CCDC88C: variants seen among roughly 807,000 people sequenced by gnomAD.
The protein encoded by CCDC88C is protein Daple.
A neutral mutation model predicts 198.8 loss-of-function variants in CCDC88C; 131 were observed. The ratio of observed to expected loss-of-function variants is 0.66; its 90% confidence interval spans 0.57 to 0.76. CCDC88C has a LOEUF of 0.76. Ranked by LOEUF, CCDC88C falls within the 30% of genes least tolerant of loss-of-function variation. The pLI is 0.00. For missense variants in CCDC88C, 2,553 were observed against 2,631.6 expected, an observed-to-expected ratio of 0.97 and a Z score of 0.65; for synonymous variants, 1,166 against 1,114.7, an observed-to-expected ratio of 1.05 and a Z score of -0.92.
intron 3 of CCDC88C, among the ~76,000 whole-genome samples, chr14:91,391,398 C>A (rs915142251): frequency 9.9e-5 from 15 of 152,194 alleles, no homozygotes; most frequent in Non-Finnish European, 5.9e-5. Context: ...CCATCCCCAC[C>A]ATCCATTTCT....
chr14:91,340,615 C>A (rs1401767071), intron 6 of CCDC88C, among the ~76,000 whole-genome samples: 3 of 152,096 alleles, frequency 2.0e-5, no homozygotes, highest in Non-Finnish European at 4.4e-5. Context: ...TCTCGACGCA[C>A]ACCCCCGGAT....
chr14:91,336,341 A>G (rs1273132420), intron 10 of CCDC88C, among the ~76,000 whole-genome samples: 1 of 152,192 alleles, frequency 6.6e-6, no homozygotes, highest in African/African-American at 2.4e-5. Context: ...GTCAGGAACG[A>G]ACACGGAGAC....
chr14:91,362,749 G>A (rs761911067), intron 3 of CCDC88C, among the ~76,000 whole-genome samples: 1 of 152,088 alleles, frequency 6.6e-6, no homozygotes, highest in Non-Finnish European at 1.5e-5. Flanking sequence ...CTAACATGGT[G>A]AAACCCGATC....
intron 4 of CCDC88C, among the ~76,000 whole-genome samples, chr14:91,346,197 A>T (rs1201009771): frequency 6.6e-6 from 1 of 152,204 alleles, no homozygotes; most frequent in East Asian, 1.9e-4. Context: ...AGAAATAGCT[A>T]AAATTGGCTT....
At chr14:91,401,270 A>C (rs1323329404) in intron 3 of CCDC88C, among the ~76,000 whole-genome samples, 1 of 144,544 alleles carries the variant, frequency 6.9e-6, no homozygotes, top group Admixed American at 7.2e-5. Context: ...TATACATTAT[A>C]TATATTATAT....
intron 27 of CCDC88C, chr14:91,281,075 C>T: frequency 2.3e-6 from 1 of 439,542 alleles, no homozygotes; most frequent in South Asian, 1.6e-5. Flanking sequence ...TAACAATTTC[C>T]AAGACTAAAT....
At chr14:91,308,259 C>T in intron 17 of CCDC88C, 92 bp downstream of exon 17, 1 of 1,474,952 alleles carries the variant, frequency 6.8e-7, no homozygotes. Context: ...AAATGGGTAT[C>T]CAGGCCACCC....
In CCDC88C at chr14:91,352,767, C is replaced by G. The variant is rs967279256; in HGVS notation, c.340+6875G>C. ...GCTCATGAAGCCTGAGTGGCCGACC[C>G]TCAGCCTCCACACCACACGGTGAGC... On this transcript the variant is annotated intron_variant, in intron 4 of 29. Transcript: ENST00000389857. This position sits in a 1 kb window ranked among gnomAD's most constrained non-coding sequence, Gnocchi z 4.2. Among the ~76,000 whole-genome samples, 1 of 152,248 alleles carries G rather than the reference C, an allele frequency of 6.6e-6. No homozygotes were observed. Among genetic ancestry groups the G allele is most frequent in the African/African-American group, 2.4e-5 (1 of 41,466 alleles).
intron 3 of CCDC88C, among the ~76,000 whole-genome samples, chr14:91,361,596 G>A (rs944101885): frequency 2.2e-4 from 33 of 152,288 alleles, no homozygotes; most frequent in African/African-American, 7.7e-4. Flanking sequence ...ACTCAGTGCT[G>A]GAAATCACAT....
Position 91,322,485 on chromosome 14 carries a change from C to G in CCDC88C, c.1343-1181G>C, listed in dbSNP as rs1012706085. The stretch of plus-strand genomic sequence containing the variant: ...CACACACATAAACACACACACACTC[C>G]ACATACAAGGACGCTTGGAGGGCTC... On this transcript the variant is annotated intron_variant, in intron 12 of 29. Coordinates refer to ENST00000389857, the MANE Select transcript of CCDC88C (RefSeq NM_001080414.4). 2.6e-5 allele frequency among the ~76,000 whole-genome samples: 4 copies of G among 152,006 alleles called. No individual in the cohort carries two copies. The South Asian group carries it at 8.3e-4, about 32-fold the overall frequency.
chr14:91,353,640 T>TA (rs1567094252), intron 4 of CCDC88C, among the ~76,000 whole-genome samples: 1 of 152,212 alleles, frequency 6.6e-6, no homozygotes, highest in Admixed American at 6.5e-5. Flanking sequence ...GTGCAGTAGA[T>TA]AGAGTTCTGC....
At chr14:91,396,479 G>T (rs564392747) in intron 3 of CCDC88C, among the ~76,000 whole-genome samples, 1 of 152,062 alleles carries the variant, frequency 6.6e-6, no homozygotes, top group Non-Finnish European at 1.5e-5. Flanking sequence ...CGCATCACTC[G>T]ATTCCCACAA....
At position 91,308,581 on chromosome 14, in the gene CCDC88C, C is replaced by T. The variant is rs563434271; in HGVS notation, c.2865-89G>A. 996 of 1,350,244 alleles carry T rather than the reference C, an allele frequency of 7.4e-4. 2 individuals are homozygous for T. Among genetic ancestry groups the T allele is most frequent in the Non-Finnish European group, 9.3e-4 (898 of 961,488 alleles). 83.6% of individuals were successfully genotyped at this position (1,350,244 alleles called of 1,614,324 possible). ...CTCGCTGCCAACACATCACTCCTTC[C>T]ATTAGGCTGGGTTACGGAGCTGCTG... On this transcript the variant is annotated intron_variant, in intron 16 of 29. Coordinates refer to ENST00000389857, the MANE Select transcript of CCDC88C (RefSeq NM_001080414.4).
intron 3 of CCDC88C, among the ~76,000 whole-genome samples, 185 bp from the exon 4 acceptor site, chr14:91,359,896 C>T (rs1894228042): frequency 1.3e-5 from 2 of 152,142 alleles, no homozygotes; most frequent in African/African-American, 4.8e-5. Flanking sequence ...CAAAGCCTAA[C>T]TGTATTTCTG....
intron 6 of CCDC88C, among the ~76,000 whole-genome samples, chr14:91,341,520 A>G (rs1446396899): frequency 6.6e-6 from 1 of 152,192 alleles, no homozygotes; most frequent in Non-Finnish European, 1.5e-5. Flanking sequence ...ATATCAACCC[A>G]GGGAGTCCTG....
intron 1 of CCDC88C, chr14:91,417,163 C>A: frequency 1.4e-6 from 1 of 703,168 alleles, no homozygotes. Flanking sequence ...GCGCCCACCC[C>A]AGTCTGTTCG....
chr14:91,298,799 C>T (rs1348123652), intron 21 of CCDC88C, among the ~76,000 whole-genome samples: 2 of 152,148 alleles, frequency 1.3e-5, no homozygotes, highest in Non-Finnish European at 2.9e-5. Context: ...GAGTTTCTAA[C>T]CCCCCGTATA....
intron 25 of CCDC88C, among the ~76,000 whole-genome samples, chr14:91,285,124 T>C (rs1386576002): frequency 6.6e-6 from 1 of 152,182 alleles, no homozygotes; most frequent in Non-Finnish European, 1.5e-5. Context: ...AATGCCTGAA[T>C]GGAGCAATCA....
intron 3 of CCDC88C, among the ~76,000 whole-genome samples, chr14:91,370,109 A>C (rs11621845): frequency 0.13 from 20,044 of 152,258 alleles, 1,438 homozygotes; most frequent in Non-Finnish European, 0.16. Flanking sequence ...CAAACACCGC[A>C]GCATGAGGGC....
Sources: allele counts gnomAD v4.1 joint callset (sites outside exome capture counted in the v4.1 genomes callset), GRCh38; gene constraint gnomAD v4.1.1; non-coding constraint Gnocchi (gnomAD v3.1); transcripts MANE v1.5; gene names NCBI Gene and HGNC (gene_info 2026-07-23, HGNC 2026-07-21).